HYAL4: variants seen among roughly 807,000 people sequenced by gnomAD.
HYAL4 encodes the protein hyaluronidase 4.
HYAL4 carries 37 observed loss-of-function variants against 35.2 expected under a neutral mutation model. That is an observed-to-expected ratio of 1.05 (90% CI 0.81 to 1.38). The LOEUF is 1.38. HYAL4 is among the 40% of genes most tolerant of loss of function. The pLI, the probability that HYAL4 is intolerant of heterozygous loss-of-function variation, is 0.00. For missense variants in HYAL4, 572 were observed against 572.4 expected, an observed-to-expected ratio of 1.00 and a Z score of 0.01; for synonymous variants, 198 against 203.2, an observed-to-expected ratio of 0.97 and a Z score of 0.22.
the HYAL4 span, among the ~76,000 whole-genome samples, chr7:123,787,206 A>G: frequency 1.3e-5 from 2 of 151,996 alleles, no homozygotes; most frequent in South Asian, 2.1e-4. Flanking sequence ...TGTAAACATG[A>G]CTATGATTTA....
chr7:123,799,393 A>G, the HYAL4 span, among the ~76,000 whole-genome samples: 1 of 151,236 alleles, frequency 6.6e-6, no homozygotes, highest in Non-Finnish European at 1.5e-5. Context: ...ATATAATACT[A>G]TGGAAGGTAT....
At chr7:123,814,501 C>A in the HYAL4 span, 1 of 152,542 alleles carries the variant, frequency 6.6e-6, no homozygotes, top group Non-Finnish European at 1.5e-5. Flanking sequence ...GAGAAGGTGT[C>A]CCTTGGTGGA....
At chr7:123,822,530 C>CA in the HYAL4 span, among the ~76,000 whole-genome samples, 1 of 152,082 alleles carries the variant, frequency 6.6e-6, no homozygotes, top group East Asian at 1.9e-4. Flanking sequence ...TTACTTATGA[C>CA]ATTTTTTGTA....
intron 2 of HYAL4, among the ~76,000 whole-genome samples, chr7:123,860,719 A>G (rs904450986): frequency 6.6e-6 from 1 of 152,194 alleles, no homozygotes; most frequent in Non-Finnish European, 1.5e-5. Flanking sequence ...AAGAAGTGCT[A>G]CAATGAATTA....
upstream of HYAL4, among the ~76,000 whole-genome samples, chr7:123,827,403 C>T: frequency 6.6e-6 from 1 of 152,160 alleles, no homozygotes; most frequent in East Asian, 1.9e-4. Context: ...CATTTGACTC[C>T]TGCCGACCTT....
the HYAL4 span, among the ~76,000 whole-genome samples, chr7:123,804,668 C>T: frequency 3.9e-5 from 6 of 152,062 alleles, no homozygotes; most frequent in Admixed American, 6.5e-5. Context: ...CACACATGGC[C>T]GCCCACACAT....
rs576479189 is a variant in HYAL4, at chr7:123,861,056, T to C, written c.-51-7167T>C. 1.6e-4 allele frequency among the ~76,000 whole-genome samples: 24 copies of C among 152,262 alleles called. No individual in the cohort carries two copies. The South Asian group carries it at 4.6e-3, about 29-fold the overall frequency. On this transcript the variant is annotated intron_variant, in intron 2 of 4. Coordinates refer to ENST00000223026, the MANE Select transcript of HYAL4 (RefSeq NM_012269.3). The stretch of plus-strand genomic sequence containing the variant: ...CTACAGCTTTTGACCTCTCAAATGT[T>C]TGCCTTTCCTCTCCACTCTTGTACT...
chr7:123,765,579 A>G, the HYAL4 span, among the ~76,000 whole-genome samples: 1 of 152,164 alleles, frequency 6.6e-6, no homozygotes, highest in Non-Finnish European at 1.5e-5. Context: ...AATAGTTTGT[A>G]TTTTCAAAAT....
At chr7:123,822,719 G>A in the HYAL4 span, among the ~76,000 whole-genome samples, 2 of 152,300 alleles carry the variant, frequency 1.3e-5, no homozygotes, top group South Asian at 2.1e-4. Context: ...AGTACTTTGA[G>A]AAGCTGAGGG....
At chr7:123,813,915 A>G in the HYAL4 span, among the ~76,000 whole-genome samples, 2 of 152,218 alleles carry the variant, frequency 1.3e-5, no homozygotes, top group South Asian at 2.1e-4. Flanking sequence ...TAGAGTTTGC[A>G]TAGCTGACAA....
At position 123,868,697 on chromosome 7, in the gene HYAL4, G is replaced by A. The variant is rs1281355902; in HGVS notation, c.424G>A (p.Ala142Thr). ...YIPAEDFSGL[A>T]VIDWEYWRPQ... Reference sequence around the variant, plus strand: ...CCCTGCTGAAGATTTCAGTGGACTTGCTGTTATAGATTGGGAATATTGGCG... The same window carrying A: ...CCCTGCTGAAGATTTCAGTGGACTTACTGTTATAGATTGGGAATATTGGCG... The change falls in exon 3 of 5, where the codon GCT becomes ACT. Residue 142 changes from alanine to threonine, a missense_variant. By Grantham distance (58) the Ala-to-Thr change is moderately conservative. Coordinates refer to ENST00000223026, the MANE Select transcript of HYAL4 (RefSeq NM_012269.3). The A allele has an allele frequency of 6.2e-7, 1 of 1,613,830 alleles. No homozygotes were observed. Among genetic ancestry groups the A allele is most frequent in the Non-Finnish European group, 8.5e-7 (1 of 1,179,958 alleles).
upstream of HYAL4, among the ~76,000 whole-genome samples, chr7:123,844,569 G>C (rs902956110): frequency 6.6e-6 from 1 of 152,196 alleles, no homozygotes; most frequent in African/African-American, 2.4e-5. Flanking sequence ...CTTCAGAGCT[G>C]TCAGACAGAG....
the HYAL4 span, among the ~76,000 whole-genome samples, chr7:123,799,193 T>C: frequency 6.6e-6 from 1 of 151,518 alleles, no homozygotes; most frequent in African/African-American, 2.4e-5. Flanking sequence ...CTCTGACGGA[T>C]TCACATTTAA....
At chr7:123,856,203 A>C (rs1049673341) in intron 2 of HYAL4, among the ~76,000 whole-genome samples, 1 of 152,010 alleles carries the variant, frequency 6.6e-6, no homozygotes, top group African/African-American at 2.4e-5. Flanking sequence ...TACTTCTGTC[A>C]GTTCATCAGC....
At chr7:123,809,926 C>T in the HYAL4 span, among the ~76,000 whole-genome samples, 1 of 152,196 alleles carries the variant, frequency 6.6e-6, no homozygotes, top group South Asian at 2.1e-4. Flanking sequence ...GAAGAGCAGA[C>T]TAAACCCCTC....
At chr7:123,859,485 C>T (rs2041344) in intron 2 of HYAL4, among the ~76,000 whole-genome samples, 13,955 of 152,052 alleles carry the variant, frequency 0.092, 995 homozygotes, top group African/African-American at 0.17. Context: ...AGATAGTAAC[C>T]AATCAATAAT....
chr7:123,835,287 T>G (rs1266857232), intron 1 of HYAL4, among the ~76,000 whole-genome samples: 9 of 152,176 alleles, frequency 5.9e-5, no homozygotes, highest in Admixed American at 5.9e-4. Flanking sequence ...GGGTATCTAA[T>G]TCTTCCTGAT....
rs149771586 is a variant in HYAL4, at chr7:123,869,032, C to G, written c.759C>G (p.Asn253Lys). 7 of 1,614,074 alleles carry G rather than the reference C, an allele frequency of 4.3e-6. No individual in the cohort carries two copies. Among genetic ancestry groups the G allele is most frequent in the African/African-American group, 4.0e-5 (3 of 74,934 alleles). ...LRNNELSWLWNSSAALYPSIG... is the reference protein window; with the variant it reads ...LRNNELSWLWKSSAALYPSIG... ...ACAATGAGCTCTCTTGGCTCTGGAACAGCAGTGCTGCTTTATATCCTTCTA... is the reference window on the plus strand; with the variant it reads ...ACAATGAGCTCTCTTGGCTCTGGAAGAGCAGTGCTGCTTTATATCCTTCTA... Residue 253 changes from asparagine to lysine, a missense_variant, in exon 3 of 5, where the codon AAC becomes AAG. Coordinates refer to ENST00000223026, the MANE Select transcript of HYAL4 (RefSeq NM_012269.3).
At chr7:123,809,007 C>G in the HYAL4 span, among the ~76,000 whole-genome samples, 1 of 152,116 alleles carries the variant, frequency 6.6e-6, no homozygotes, top group Non-Finnish European at 1.5e-5. Context: ...TGAGGGGACA[C>G]AAATATTCAG....
Sources: gnomAD v4.1 joint callset for allele counts (sites outside exome capture counted in the v4.1 genomes callset) on GRCh38, gnomAD v4.1.1 for gene constraint, MANE v1.5 for transcripts, NCBI Gene and HGNC (gene_info 2026-07-23, HGNC 2026-07-21) for gene names.